DIAPH3: variants seen among roughly 807,000 people sequenced by gnomAD.
DIAPH3 encodes the protein protein diaphanous homolog 3.
DIAPH3 carries 117 observed loss-of-function variants against 144.3 expected under a neutral mutation model. That is an observed-to-expected ratio of 0.81 (90% CI 0.70 to 0.95). DIAPH3 has a LOEUF of 0.95. DIAPH3 is among the 40% of genes least tolerant of loss of function. The probability of loss-of-function intolerance (pLI) is 0.00; values close to 1 mark genes in which losing one functional copy is unlikely to be tolerated. For synonymous variants in DIAPH3, 519 were observed against 488.9 expected (o/e 1.06, Z -0.81); for missense variants, 1,421 against 1,412.7 (o/e 1.01, Z -0.09).
At chr13:59,937,694 T>C (rs1466967295) in intron 17 of DIAPH3, among the ~76,000 whole-genome samples, 3 of 152,252 alleles carry the variant, frequency 2.0e-5, no homozygotes, top group Middle Eastern at 3.4e-3. Context: ...TGAAAAAGAA[T>C]TGACTGACAG....
chr13:59,708,835 T>C (rs1566204046), intron 27 of DIAPH3, among the ~76,000 whole-genome samples: 1 of 152,072 alleles, frequency 6.6e-6, no homozygotes, highest in Non-Finnish European at 1.5e-5. Flanking sequence ...TTTATAATAA[T>C]AATAAATATA....
chr13:60,095,497 G>A (rs1050697236), intron 3 of DIAPH3, among the ~76,000 whole-genome samples: 2 of 152,058 alleles, frequency 1.3e-5, no homozygotes, highest in Non-Finnish European at 2.9e-5. Flanking sequence ...GTAACTTCTG[G>A]GCCATTGCCA....
intron 25 of DIAPH3, among the ~76,000 whole-genome samples, chr13:59,797,730 C>T (rs966750930): frequency 6.6e-6 from 1 of 152,046 alleles, no homozygotes; most frequent in Non-Finnish European, 1.5e-5. Context: ...GATAATGGGA[C>T]ACATTCTCTC....
At position 59,672,706 on chromosome 13, in the gene DIAPH3, A is replaced by G. The variant is rs2032443250; in HGVS notation, c.3320-5860T>C. Reference sequence around the variant, plus strand: ...TATTGCTGATTTACTGATGCTATTAATAATTGTCTTCCTTTGGTTTCATTT... The same window carrying G: ...TATTGCTGATTTACTGATGCTATTAGTAATTGTCTTCCTTTGGTTTCATTT... On this transcript the variant is annotated intron_variant, in intron 27 of 27. Transcript: ENST00000400324. 2.6e-5 allele frequency among the ~76,000 whole-genome samples: 4 copies of G among 152,212 alleles called. No individual in the cohort carries two copies. In the South Asian group the frequency reaches 8.3e-4, roughly 31 times the overall value.
At chr13:59,673,503 G>C (rs2032484896) in intron 27 of DIAPH3, among the ~76,000 whole-genome samples, 2 of 152,166 alleles carry the variant, frequency 1.3e-5, no homozygotes, top group Non-Finnish European at 2.9e-5. Flanking sequence ...GGGCCCCTCA[G>C]ATGAATAGTT....
intron 27 of DIAPH3, among the ~76,000 whole-genome samples, chr13:59,759,860 T>C (rs2037485752): frequency 6.6e-6 from 1 of 151,940 alleles, no homozygotes; most frequent in African/African-American, 2.4e-5. Context: ...GCAAGGAGAA[T>C]TGCTTGAACC....
rs764857883 is a variant in DIAPH3, at chr13:59,924,830, A to G, written c.2115T>C (p.Ile705=). 1 of 1,601,750 alleles carries G rather than the reference A, an allele frequency of 6.2e-7. No individual in the cohort carries two copies. The highest frequency in any genetic ancestry group is 1.1e-5 in the South Asian group (1 of 90,770). The change falls in exon 18 of 28, where the codon ATT becomes ATC. Residue 705 remains isoleucine (I), a synonymous_variant. Transcript: ENST00000400324. ...EEEDIEEKKS[I]KKKIKELKFL... ...ACTTAAGTTCTTTAATTTTTTTCTT[A>G]ATCGATTTCTTCTCTTCAATATCTT... is the stretch of plus-strand genomic sequence containing the variant.
intron 27 of DIAPH3, among the ~76,000 whole-genome samples, chr13:59,707,261 G>A (rs2034483243): frequency 6.6e-6 from 1 of 152,124 alleles, no homozygotes; most frequent in Admixed American, 6.5e-5. Flanking sequence ...ACCTTGAGGG[G>A]AAAAGCAATT....
rs552513715 is a variant in DIAPH3 at position 59,934,213 on chromosome 13, T to C, written c.2075-9343A>G. Among the ~76,000 whole-genome samples, 13 of 152,266 alleles carry C rather than the reference T, an allele frequency of 8.5e-5. No homozygotes were observed. In the South Asian group the frequency reaches 2.7e-3, roughly 32 times the overall value. ...TAAGTGTTTACTCTGCTTTTGTTGG[T>C]GCTCCCTGGTTAAATGTATCTTATG... On this transcript the variant is annotated intron_variant, in intron 17 of 27. Transcript: ENST00000400324.
chr13:59,935,020 C>T (rs1166133598), intron 17 of DIAPH3, among the ~76,000 whole-genome samples: 1 of 152,174 alleles, frequency 6.6e-6, no homozygotes, highest in African/African-American at 2.4e-5. Context: ...GAAATAACTA[C>T]ACAGTTGACT....
At chr13:59,750,317 C>T (rs2036942625) in intron 27 of DIAPH3, among the ~76,000 whole-genome samples, 1 of 152,048 alleles carries the variant, frequency 6.6e-6, no homozygotes, top group African/African-American at 2.4e-5. Flanking sequence ...TTTTATGGGC[C>T]AATACACTTT....
In DIAPH3 at chr13:60,063,975, T is replaced by C. The variant is rs115039168; in HGVS notation, c.496-21155A>G. ...TCCTTATACCTCTTCATCAGAACTC[T>C]TGGATGACTAAATGCACTGTCAATG... On this transcript the variant is annotated intron_variant, in intron 4 of 27. Coordinates refer to ENST00000400324, the MANE Select transcript of DIAPH3 (RefSeq NM_001042517.2). Among the ~76,000 whole-genome samples, 570 of 152,298 alleles carry C rather than the reference T, an allele frequency of 3.7e-3. 2 individuals carry two copies. The highest frequency in any genetic ancestry group is 0.012 in the African/African-American group (502 of 41,572).
chr13:59,889,320 TAAGAG>T (rs1296877235), intron 20 of DIAPH3, among the ~76,000 whole-genome samples: 1 of 152,074 alleles, frequency 6.6e-6, no homozygotes, highest in African/African-American at 2.4e-5. Flanking sequence ...CCTACATAAC[TAAGAG>T]AAAATAATCA....
intron 4 of DIAPH3, among the ~76,000 whole-genome samples, chr13:60,065,485 G>C (rs2056923692): frequency 6.6e-6 from 1 of 152,076 alleles, no homozygotes; most frequent in East Asian, 1.9e-4. Context: ...GCTCATCATA[G>C]TATTCCTACT....
chr13:59,721,435 G>C (rs1215838236), intron 27 of DIAPH3, among the ~76,000 whole-genome samples: 2 of 152,106 alleles, frequency 1.3e-5, no homozygotes, highest in African/African-American at 2.4e-5. Flanking sequence ...GGTTCTTCAA[G>C]TAATATAAGA....
intron 17 of DIAPH3, among the ~76,000 whole-genome samples, chr13:59,947,425 T>C (rs1488696997): frequency 6.6e-6 from 1 of 152,198 alleles, no homozygotes; most frequent in Non-Finnish European, 1.5e-5. Flanking sequence ...ATGAAAAACA[T>C]TGACCCTGTT....
chr13:59,730,197 C>T (rs1180806020), intron 27 of DIAPH3, among the ~76,000 whole-genome samples: 24 of 152,186 alleles, frequency 1.6e-4, no homozygotes, highest in Non-Finnish European at 2.9e-5. Flanking sequence ...CGTGGCTGAA[C>T]TAGGCAGCAA....
intron 4 of DIAPH3, among the ~76,000 whole-genome samples, chr13:60,065,169 G>A (rs537663084): frequency 2.1e-5 from 3 of 143,324 alleles, no homozygotes; most frequent in Non-Finnish European, 3.0e-5. Context: ...ATGTGACACA[G>A]AAATATGAAG....
At chr13:60,158,123 C>A (rs886499926) in intron 1 of DIAPH3, among the ~76,000 whole-genome samples, 1 of 152,140 alleles carries the variant, frequency 6.6e-6, no homozygotes, top group Non-Finnish European at 1.5e-5. Flanking sequence ...AGTGCTAGTC[C>A]CTTCTTCCAA....
Sources: gnomAD v4.1 joint callset for allele counts (sites outside exome capture counted in the v4.1 genomes callset) on GRCh38, gnomAD v4.1.1 for gene constraint, MANE v1.5 for transcripts, NCBI Gene and HGNC (gene_info 2026-07-23, HGNC 2026-07-21) for gene names.